INIP: variants seen among roughly 807,000 people sequenced by gnomAD.
The protein encoded by INIP is SOSS complex subunit C.
A neutral mutation model predicts 14.0 loss-of-function variants in INIP; 9 were observed. The observed-to-expected ratio is 0.64, with a 90% confidence interval of 0.39 to 1.12. INIP has a LOEUF of 1.12. Ranked by LOEUF, INIP falls within the 50% of genes most tolerant of loss-of-function variation. INIP has a pLI of 0.01. For synonymous variants in INIP, 37 were observed against 41.5 expected (o/e 0.89, Z 0.41); for missense variants, 78 against 122.7 (o/e 0.64, Z 1.72).
chr9:112,710,014 G>C (rs1219323519), intron 2 of INIP, among the ~76,000 whole-genome samples: 1 of 152,180 alleles, frequency 6.6e-6, no homozygotes, highest in Non-Finnish European at 1.5e-5. Flanking sequence ...CTTTAAAAAG[G>C]TACAAATAGA....
At chr9:112,714,423 T>C (rs1288416154) in intron 2 of INIP, among the ~76,000 whole-genome samples, 1 of 152,220 alleles carries the variant, frequency 6.6e-6, no homozygotes, top group Non-Finnish European at 1.5e-5. Context: ...GATTCAATAC[T>C]TTATAGAGAG....
intron 2 of INIP, among the ~76,000 whole-genome samples, chr9:112,696,632 C>CA (rs1459449458): frequency 1.3e-5 from 2 of 152,268 alleles, no homozygotes; most frequent in African/African-American, 4.8e-5. Context: ...CTTCAGACGC[C>CA]AATGGCAAGT....
chr9:112,710,561 T>C (rs936262331), intron 2 of INIP, among the ~76,000 whole-genome samples: 5 of 152,098 alleles, frequency 3.3e-5, no homozygotes, highest in East Asian at 1.9e-4. Flanking sequence ...CTACACTACA[T>C]TGGACAGTAT....
intron 2 of INIP, among the ~76,000 whole-genome samples, chr9:112,700,137 A>G (rs1352998502): frequency 2.0e-5 from 3 of 152,208 alleles, no homozygotes; most frequent in Non-Finnish European, 4.4e-5. Flanking sequence ...AAACCTTGGA[A>G]TCAGTTCAGA....
chr9:112,691,892 C>A (rs1423591552), intron 3 of INIP, among the ~76,000 whole-genome samples: 1 of 152,082 alleles, frequency 6.6e-6, no homozygotes, highest in Non-Finnish European at 1.5e-5. Flanking sequence ...CGCCTGTAAT[C>A]CCAGCTACTT....
In INIP at chr9:112,707,057, A is replaced by C. The variant is rs997856148; in HGVS notation, c.25+9404T>G. ...CTCCCGAGTAGCTGGGATTGCAAGC[A>C]TGCGTAATCATGCCAGCATAATTAC... On this transcript the variant is annotated intron_variant, in intron 2 of 4. Transcript: ENST00000374242. Among the ~76,000 whole-genome samples, 5 of 152,240 alleles carry C rather than the reference A, an allele frequency of 3.3e-5. No homozygotes were observed. The East Asian group carries it at 9.7e-4, about 29-fold the overall frequency.
intron 3 of INIP, among the ~76,000 whole-genome samples, chr9:112,691,409 A>G (rs1478804792): frequency 5.3e-5 from 8 of 152,236 alleles, no homozygotes; most frequent in African/African-American, 1.7e-4. Flanking sequence ...AGGTTGGGAC[A>G]TACTACATTT....
intron 2 of INIP, among the ~76,000 whole-genome samples, chr9:112,709,345 G>C (rs1319923693): frequency 1.3e-5 from 2 of 152,060 alleles, no homozygotes; most frequent in East Asian, 3.9e-4. Flanking sequence ...TCTATCATCA[G>C]AATGTTGTAA....
intron 2 of INIP, among the ~76,000 whole-genome samples, chr9:112,705,019 G>A (rs762336194): frequency 7.3e-5 from 11 of 149,996 alleles, no homozygotes; most frequent in Non-Finnish European, 1.2e-4. Flanking sequence ...GCTTAGGCAG[G>A]AGGATGGCTT....
At chr9:112,698,610 CAACT>C (rs1342674958) in intron 2 of INIP, among the ~76,000 whole-genome samples, 1 of 152,164 alleles carries the variant, frequency 6.6e-6, no homozygotes, top group Non-Finnish European at 1.5e-5. Context: ...TCAGAAATAA[CAACT>C]ATCTGGCAGG....
intron 4 of INIP, 21 bp downstream of exon 4, chr9:112,689,505 GA>G: frequency 6.3e-7 from 1 of 1,599,600 alleles, no homozygotes; most frequent in Non-Finnish European, 8.6e-7. Flanking sequence ...ACCGAGGCAA[GA>G]ATGTCAGTTA....
intron 2 of INIP, among the ~76,000 whole-genome samples, chr9:112,707,753 T>C (rs1296613769): frequency 6.6e-6 from 1 of 152,188 alleles, no homozygotes; most frequent in Non-Finnish European, 1.5e-5. Flanking sequence ...TTTTAAAAGA[T>C]TACTTAAATC....
At chr9:112,706,333 C>T (rs373171905) in intron 2 of INIP, among the ~76,000 whole-genome samples, 1 of 152,148 alleles carries the variant, frequency 6.6e-6, no homozygotes, top group South Asian at 2.1e-4. Flanking sequence ...ACTGAAGCCT[C>T]AAATCCCTGG....
intron 2 of INIP, among the ~76,000 whole-genome samples, chr9:112,711,802 A>G (rs1000687879): frequency 6.6e-6 from 1 of 152,236 alleles, no homozygotes; most frequent in African/African-American, 2.4e-5. Context: ...TTACAATACT[A>G]TAATTCTACG....
At chr9:112,713,598 T>G (rs575035688) in intron 2 of INIP, among the ~76,000 whole-genome samples, 1 of 151,786 alleles carries the variant, frequency 6.6e-6, no homozygotes, top group East Asian at 1.9e-4. Flanking sequence ...AAGGTAGAGG[T>G]GGGAGGATCA....
intron 4 of INIP, among the ~76,000 whole-genome samples, chr9:112,687,952 G>A (rs1292570465): frequency 1.3e-5 from 2 of 152,082 alleles, no homozygotes; most frequent in African/African-American, 2.4e-5. Context: ...CAGGCGTGGT[G>A]GCGGGTGCCT....
intron 2 of INIP, among the ~76,000 whole-genome samples, chr9:112,711,842 A>G (rs796368052): frequency 5.9e-5 from 9 of 152,364 alleles, no homozygotes; most frequent in African/African-American, 2.2e-4. Context: ...TTTGTCCTAA[A>G]TATAACTAAT....
chr9:112,693,830 T>G (rs1837978239), intron 3 of INIP, among the ~76,000 whole-genome samples: 1 of 152,194 alleles, frequency 6.6e-6, no homozygotes, highest in Admixed American at 6.5e-5. Context: ...ATCCCAGCAC[T>G]TTGGGAGACC....
intron 2 of INIP, among the ~76,000 whole-genome samples, chr9:112,711,197 G>A (rs1185460760): frequency 1.3e-5 from 2 of 151,892 alleles, no homozygotes; most frequent in Non-Finnish European, 2.9e-5. Context: ...TAAAGAGAGA[G>A]AGAAAAATAC....
Sources: allele counts gnomAD v4.1 joint callset (sites outside exome capture counted in the v4.1 genomes callset), GRCh38; gene constraint gnomAD v4.1.1; transcripts MANE v1.5; gene names NCBI Gene and HGNC (gene_info 2026-07-23, HGNC 2026-07-21).